The following ENAH variants were observed in gnomAD, a reference collection of about 807,000 sequenced individuals.
ENAH encodes ENAH actin regulator, also known as protein enabled homolog.
A neutral mutation model predicts 78.7 loss-of-function variants in ENAH; 23 were observed. The observed-to-expected ratio is 0.29, with a 90% CI of 0.21 to 0.41. The LOEUF (loss-of-function observed/expected upper bound fraction) is 0.41, where lower values mean the gene tolerates loss of function less well. Among genes scored for constraint, ENAH ranks in the 10% least tolerant of loss-of-function variants. The pLI is 1.00. For missense variants in ENAH, 544 were observed against 691.0 expected (o/e 0.79, Z 2.39); for synonymous variants, 226 against 241.0 (o/e 0.94, Z 0.58).
intron 3 of ENAH, among the ~76,000 whole-genome samples, chr1:225,544,895 G>A (rs1434617615): frequency 6.6e-6 from 1 of 152,156 alleles, no homozygotes; most frequent in African/African-American, 2.4e-5. Context: ...GACAGAGCTA[G>A]AAACAGCTAG....
chr1:225,558,881 C>A (rs1003245988), intron 2 of ENAH, among the ~76,000 whole-genome samples: 3 of 152,098 alleles, frequency 2.0e-5, no homozygotes, highest in African/African-American at 7.2e-5. Context: ...GATCTGCCCA[C>A]CTCGGCCTCC....
At chr1:225,593,418 T>A (rs796627289) in intron 1 of ENAH, among the ~76,000 whole-genome samples, 4 of 41,908 alleles carry the variant, frequency 9.5e-5, no homozygotes, top group East Asian at 1.1e-3. Context: ...GGGGGGGGGG[T>A]GGGGGGTGCC....
chr1:225,539,333 G>A (rs1302358063), intron 3 of ENAH, among the ~76,000 whole-genome samples: 2 of 152,138 alleles, frequency 1.3e-5, no homozygotes, highest in Non-Finnish European at 2.9e-5. Context: ...GAAAAAAATA[G>A]TAGCACTTCC....
intron 2 of ENAH, among the ~76,000 whole-genome samples, chr1:225,560,021 T>G (rs1034905258): frequency 6.6e-6 from 1 of 152,184 alleles, no homozygotes; most frequent in African/African-American, 2.4e-5. Context: ...GAAAGTCTGC[T>G]CTGTAACTTG....
intron 1 of ENAH, among the ~76,000 whole-genome samples, chr1:225,584,124 G>T (rs1310074707): frequency 6.6e-6 from 1 of 152,226 alleles, no homozygotes; most frequent in African/African-American, 2.4e-5. Context: ...CTGCACACAA[G>T]CCTGGGCGAC....
intron 3 of ENAH, among the ~76,000 whole-genome samples, chr1:225,550,062 G>C (rs1480950731): frequency 2.6e-5 from 4 of 152,070 alleles, no homozygotes; most frequent in Admixed American, 2.0e-4. Flanking sequence ...CTTATCTCTT[G>C]GGATGCCCTG....
At chr1:225,561,006 C>T (rs562399219) in intron 2 of ENAH, among the ~76,000 whole-genome samples, 8 of 152,080 alleles carry the variant, frequency 5.3e-5, no homozygotes, top group Non-Finnish European at 1.2e-4. Context: ...GAGGCCAAGG[C>T]GGGCAGATCA....
intron 2 of ENAH, 125 bp downstream of exon 2, chr1:225,567,124 T>C: frequency 2.9e-6 from 3 of 1,049,740 alleles, no homozygotes; most frequent in Non-Finnish European, 4.1e-6. Flanking sequence ...GACAATTTTA[T>C]ATTCAGTTTT....
chr1:225,609,704 G>T (rs941315889), intron 1 of ENAH, among the ~76,000 whole-genome samples: 8 of 113,472 alleles, frequency 7.1e-5, no homozygotes, highest in African/African-American at 2.8e-4. Context: ...TCTCTCTGTC[G>T]CCCAGGCTGG....
chr1:225,549,632 G>C (rs1407699744), intron 3 of ENAH, among the ~76,000 whole-genome samples: 1 of 151,994 alleles, frequency 6.6e-6, no homozygotes, highest in East Asian at 1.9e-4. Context: ...CAACCTTGTA[G>C]GGTTGTTATA....
At chr1:225,580,392 C>T (rs555563005) in intron 1 of ENAH, 1 of 152,254 alleles carries the variant, frequency 6.6e-6, no homozygotes, top group African/African-American at 2.4e-5. Context: ...GCAGATCCTC[C>T]TCCCCCCGTG....
intron 2 of ENAH, among the ~76,000 whole-genome samples, chr1:225,562,467 G>A (rs1196945647): frequency 6.6e-6 from 1 of 150,820 alleles, no homozygotes; most frequent in African/African-American, 2.4e-5. Context: ...AGCTGCTCGG[G>A]AGGCTGAGGC....
rs2096212205 is a variant in ENAH, at chr1:225,489,298, A to T, written c.*8477T>A. 2 of 152,082 alleles carry T rather than the reference A, an allele frequency of 1.3e-5. No homozygotes were observed. The highest frequency in any genetic ancestry group is 4.8e-5 in the African/African-American group (2 of 41,404). The allele number at this position is 152,082 out of a possible 1,614,324, so 9.4% of individuals were successfully genotyped here. A position where few individuals can be genotyped will look rare whatever the true frequency, so the allele number is the denominator to read the frequency against. ...GCTTCCAGGTTGAAGCACAATGGAG[A>T]ATGTACTGAAGCCACCACAGAGATG... On this transcript the variant is annotated 3_prime_UTR_variant, in exon 14 of 14. Coordinates refer to ENST00000366843, the MANE Select transcript of ENAH (RefSeq NM_018212.6).
chr1:225,524,020 C>T (rs1274000641), intron 4 of ENAH, among the ~76,000 whole-genome samples: 2 of 152,116 alleles, frequency 1.3e-5, no homozygotes, highest in East Asian at 1.9e-4. Flanking sequence ...ATATATTCTA[C>T]AATAATTTGA....
chr1:225,616,668 A>C (rs1655763071), intron 1 of ENAH, among the ~76,000 whole-genome samples: 1 of 152,204 alleles, frequency 6.6e-6, no homozygotes, highest in Non-Finnish European at 1.5e-5. Flanking sequence ...ATCAAAAGTG[A>C]TACCACCAAT....
chr1:225,554,051 C>T (rs2096654422), intron 3 of ENAH, among the ~76,000 whole-genome samples: 1 of 152,090 alleles, frequency 6.6e-6, no homozygotes, highest in African/African-American at 2.4e-5. Flanking sequence ...TTTTGATATT[C>T]TACACTTTCA....
intron 2 of ENAH, among the ~76,000 whole-genome samples, chr1:225,560,171 C>CTT (rs559062710): frequency 4.8e-5 from 7 of 145,668 alleles, no homozygotes; most frequent in Non-Finnish European, 6.1e-5. Context: ...CAAATCTGAA[C>CTT]TTTTTTTTTT....
intron 2 of ENAH, among the ~76,000 whole-genome samples, chr1:225,555,338 T>A (rs6426080): frequency 0.12 from 18,406 of 152,198 alleles, 2,391 homozygotes; most frequent in African/African-American, 0.33. Context: ...CCCAGCACTT[T>A]GGGAGGGCTC....
At chr1:225,528,929 C>CT (rs1377268775) in intron 4 of ENAH, among the ~76,000 whole-genome samples, 10 of 152,136 alleles carry the variant, frequency 6.6e-5, no homozygotes, top group Admixed American at 1.3e-4. Context: ...TCATCCCCAC[C>CT]ATACAATCCA....
Sources: gnomAD v4.1 joint callset for allele counts (sites outside exome capture counted in the v4.1 genomes callset) on GRCh38, gnomAD v4.1.1 for gene constraint, MANE v1.5 for transcripts, NCBI Gene and HGNC (gene_info 2026-07-23, HGNC 2026-07-21) for gene names.